MYO5C: variants seen among roughly 807,000 people sequenced by gnomAD.
MYO5C encodes myosin VC.
Under a neutral mutation model 235.7 loss-of-function variants are expected in MYO5C, and 194 were observed. That is an observed-to-expected ratio of 0.82 (90% CI 0.73 to 0.93). MYO5C has a LOEUF of 0.93. Among genes scored for constraint, MYO5C ranks in the 40% least tolerant of loss-of-function variants. The pLI is 0.00. For missense variants in MYO5C, 2,038 were observed against 2,127.2 expected (o/e 0.96, Z 0.82); for synonymous variants, 707 against 754.8 (o/e 0.94, Z 1.04).
At chr15:52,227,361 AT>A (rs367612324) in intron 25 of MYO5C, among the ~76,000 whole-genome samples, 3,135 of 137,434 alleles carry the variant, frequency 0.023, 81 homozygotes, top group South Asian at 0.13. Flanking sequence ...CGCCCGGCTA[AT>A]TTTTTTTTTT....
intron 32 of MYO5C, 69 bp downstream of exon 32, chr15:52,218,450 G>A (rs2035602049): frequency 7.0e-7 from 1 of 1,436,200 alleles, no homozygotes; most frequent in Non-Finnish European, 9.7e-7. Context: ...TGCTTTAGGT[G>A]GCATGTCCCC....
chr15:52,218,197 G>T (rs1305227511), intron 32 of MYO5C, among the ~76,000 whole-genome samples: 1 of 152,214 alleles, frequency 6.6e-6, no homozygotes, highest in African/African-American at 2.4e-5. Context: ...GCACTCACAC[G>T]TAGGCCTTGC....
In MYO5C at chr15:52,245,989, G is replaced by A. The variant is rs758278398; in HGVS notation, c.2033C>T (p.Thr678Met). Residue 678 changes from threonine to methionine, a missense_variant, in exon 17 of 41, where the codon ACG (threonine) becomes ATG (methionine). Physicochemically the swap from Thr to Met is moderately conservative, Grantham distance 81. Coordinates refer to ENST00000261839, the MANE Select transcript of MYO5C (RefSeq NM_018728.4). ...QQLRACGVLE[T>M]IRISAQSYPS... ...GTAGCTCTGTGCACTAATGCGAATC[G>A]TTTCTAAAACGCCGCAGGCTCGCAG... 6.2e-6 allele frequency: 10 copies of A among 1,614,052 alleles called. No homozygotes were observed. Among genetic ancestry groups the A allele is most frequent in the African/African-American group, 2.7e-5 (2 of 74,912 alleles).
chr15:52,288,072 C>A (rs1596237544), intron 1 of MYO5C, among the ~76,000 whole-genome samples: 1 of 152,148 alleles, frequency 6.6e-6, no homozygotes, highest in African/African-American at 2.4e-5. Flanking sequence ...GCCCTGGGGG[C>A]CTTCCAAGGA....
chr15:52,276,806 T>A (rs8024131), intron 4 of MYO5C, among the ~76,000 whole-genome samples: 1,850 of 152,274 alleles, frequency 0.012, 37 homozygotes, highest in African/African-American at 0.042. Flanking sequence ...AGAGATTTTT[T>A]AAAAATGCAT....
chr15:52,229,318 G>T lies in MYO5C; in HGVS notation c.3027-5C>A. Reference sequence around the variant, plus strand: ...TCAAAACTTTTTTCAAGAAGCCTACGCAGCAAAAGAAGAAAATAATTTAGA... The same window carrying T: ...TCAAAACTTTTTTCAAGAAGCCTACTCAGCAAAAGAAGAAAATAATTTAGA... On this transcript the variant is annotated splice_region_variant and splice_polypyrimidine_tract_variant and intron_variant, in intron 24 of 40. Coordinates refer to ENST00000261839, the MANE Select transcript of MYO5C (RefSeq NM_018728.4). 6.2e-7 allele frequency: 1 copy of T among 1,608,690 alleles called. No individual in the cohort carries two copies. The highest frequency in any genetic ancestry group is 8.5e-7 in the Non-Finnish European group (1 of 1,179,342).
chr15:52,211,584 T>C, intron 35 of MYO5C, 146 bp downstream of exon 35: 1 of 868,782 alleles, frequency 1.2e-6, no homozygotes, highest in Non-Finnish European at 1.8e-6. Flanking sequence ...CCTAACAGTG[T>C]GGCTCCCTTC....
chr15:52,214,196 A>G (rs1216767362), intron 33 of MYO5C, among the ~76,000 whole-genome samples: 2 of 152,188 alleles, frequency 1.3e-5, no homozygotes, highest in Non-Finnish European at 2.9e-5. Flanking sequence ...CATGCAGTCC[A>G]TGTTCAGGAT....
chr15:52,241,180 G>A (rs1197019305), intron 20 of MYO5C, among the ~76,000 whole-genome samples: 1 of 151,186 alleles, frequency 6.6e-6, no homozygotes, highest in Non-Finnish European at 1.5e-5. Context: ...TTTCTTTGGA[G>A]TTGGACACCC....
At chr15:52,221,090 G>A (rs2035671173) in intron 30 of MYO5C, 72 bp downstream of exon 30, 2 of 1,210,782 alleles carry the variant, frequency 1.7e-6, no homozygotes, top group Admixed American at 1.9e-5. Flanking sequence ...CTGAGTACAA[G>A]GACATTTCAA....
intron 29 of MYO5C, among the ~76,000 whole-genome samples, chr15:52,222,886 G>A (rs748638590): frequency 7.9e-5 from 12 of 152,112 alleles, no homozygotes; most frequent in South Asian, 2.1e-4. Flanking sequence ...TTTGAAGGCC[G>A]GGCACGGTGG....
chr15:52,277,083 C>CA (rs1366050478), intron 4 of MYO5C: 1 of 474,814 alleles, frequency 2.1e-6, no homozygotes, highest in East Asian at 6.9e-5. Context: ...ATTTTCATTT[C>CA]AAAGAGAGAA....
At chr15:52,279,043 A>G (rs761517478) in intron 3 of MYO5C, 26 bp from the exon 4 acceptor site, 4 of 1,590,036 alleles carry the variant, frequency 2.5e-6, no homozygotes, top group Non-Finnish European at 2.6e-6. Flanking sequence ...AGATGCAGTT[A>G]AAATACTCTT....
intron 2 of MYO5C, 31 bp from the exon 3 acceptor site, chr15:52,279,705 G>C (rs780547551): frequency 1.8e-5 from 29 of 1,585,026 alleles, no homozygotes; most frequent in Non-Finnish European, 2.4e-5. Context: ...TAAAGCTCTG[G>C]AAATAAAAGA....
intron 29 of MYO5C, among the ~76,000 whole-genome samples, chr15:52,221,740 G>A (rs1255964540): frequency 6.6e-6 from 1 of 152,052 alleles, no homozygotes; most frequent in Non-Finnish European, 1.5e-5. Context: ...TTCTTTACAT[G>A]TCCATCGCCT....
chr15:52,218,656 T>G lies in MYO5C; in HGVS notation c.3817A>C (p.Lys1273Gln). ...ALEAQNEIHT[K>Q]EKEKLIDKIQ... Reference sequence around the variant, plus strand: ...TTATCAATCAGCTTCTCCTTCTCTTTGGTATGTATTTCATTTTGGGCTTCC... The same window carrying G: ...TTATCAATCAGCTTCTCCTTCTCTTGGGTATGTATTTCATTTTGGGCTTCC... The change falls in exon 32 of 41, where the codon AAA becomes CAA. Residue 1273 changes from lysine to glutamine, a missense_variant. By Grantham distance (53) the Lys-to-Gln change is moderately conservative. Coordinates refer to ENST00000261839, the MANE Select transcript of MYO5C (RefSeq NM_018728.4). 1 of 1,614,172 alleles carries G rather than the reference T, an allele frequency of 6.2e-7. No homozygotes were observed. The highest frequency in any genetic ancestry group is 1.1e-5 in the South Asian group (1 of 91,082).
Position 52,245,364 on chromosome 15 carries a change from C to T in MYO5C, c.2168G>A (p.Arg723Lys), listed in dbSNP as rs1279055734. Reference protein sequence around the residue: ...KKEVCKVVLHRLIQDSNQYQF... With the variant: ...KKEVCKVVLHKLIQDSNQYQF... ...GGTGGGGAAACTGACCTGGATGAGTCTGTGTAAAACCACCTTGCACACCTC... is the reference window on the plus strand; with the variant it reads ...GGTGGGGAAACTGACCTGGATGAGTTTGTGTAAAACCACCTTGCACACCTC... Residue 723 changes from arginine to lysine, a missense_variant, in exon 18 of 41, where the codon AGA (arginine) becomes AAA (lysine). By Grantham distance (26) the Arg-to-Lys change is conservative. Transcript: ENST00000261839. 1 of 1,612,874 alleles carries T rather than the reference C, an allele frequency of 6.2e-7. No individual in the cohort carries two copies. The highest frequency in any genetic ancestry group is 8.5e-7 in the Non-Finnish European group (1 of 1,178,844).
At position 52,271,531 on chromosome 15, in the gene MYO5C, A is replaced by G. The variant is rs533012642; in HGVS notation, c.832+232T>C. On this transcript the variant is annotated intron_variant, in intron 7 of 40. Coordinates refer to ENST00000261839, the MANE Select transcript of MYO5C (RefSeq NM_018728.4). ...GGTGTGAGCCATCACGCCAGGCCCAATGAGCTTTAAAAATAACCCTCAGTC... is the reference window on the plus strand; with the variant it reads ...GGTGTGAGCCATCACGCCAGGCCCAGTGAGCTTTAAAAATAACCCTCAGTC... Among the ~76,000 whole-genome samples, 6 of 152,138 alleles carry G rather than the reference A, an allele frequency of 3.9e-5. No individual in the cohort carries two copies. The South Asian group carries it at 6.2e-4, about 16-fold the overall frequency.
Position 52,264,240 on chromosome 15 carries a change from G to A in MYO5C, c.997C>T (p.Leu333=), listed in dbSNP as rs767971246. ...VFKILAAILH[L]GNVQITAVGN... ...ACCGCGGTGATCTGCACATTGCCCA[G>A]ATGTAGGATGGCTGCCAGGATTTTA... Residue 333 remains leucine (L), a synonymous_variant, in exon 9 of 41, where the codon CTG becomes TTG. Transcript: ENST00000261839. 9.9e-6 allele frequency: 16 copies of A among 1,614,158 alleles called. 1 individual carries two copies. In the South Asian group the frequency reaches 1.8e-4, roughly 18 times the overall value.
Sources: gnomAD v4.1 joint callset for allele counts (sites outside exome capture counted in the v4.1 genomes callset) on GRCh38, gnomAD v4.1.1 for gene constraint, MANE v1.5 for transcripts, NCBI Gene and HGNC (gene_info 2026-07-23, HGNC 2026-07-21) for gene names.